DCDC1: variants seen among roughly 807,000 people sequenced by gnomAD.
The protein encoded by DCDC1 is doublecortin domain containing 1, also known as doublecortin domain-containing protein 1.
A neutral mutation model predicts 178.3 loss-of-function variants in DCDC1; 200 were observed. That is an observed-to-expected ratio of 1.12 (90% CI 1.00 to 1.26). The LOEUF is 1.26. DCDC1 is among the 50% of genes most tolerant of loss of function. The pLI is 0.00. For synonymous variants in DCDC1, 690 were observed against 604.8 expected, an observed-to-expected ratio of 1.14 and a Z score of -2.07; for missense variants, 1,983 against 1,749.2, an observed-to-expected ratio of 1.13 and a Z score of -2.38.
intron 19 of DCDC1, among the ~76,000 whole-genome samples, 169 bp from the exon 20 acceptor site, chr11:31,064,795 A>G (rs1956156452): frequency 6.6e-6 from 1 of 152,174 alleles, no homozygotes; most frequent in African/African-American, 2.4e-5. Context: ...CCTAAGAAAA[A>G]AAGGGTATCA....
Position 30,878,716 on chromosome 11 carries a change from T to G in DCDC1, c.5234-5A>C, listed in dbSNP as rs1942371759. On this transcript the variant is annotated splice_polypyrimidine_tract_variant and splice_region_variant and intron_variant, in intron 37 of 38. Coordinates refer to ENST00000684477, the MANE Select transcript of DCDC1 (RefSeq NM_001387274.1). The stretch of plus-strand genomic sequence containing the variant: ...TCTCCATCAGTTGTTTTAACTCTGT[T>G]AAAAAAAAAAAAAAAAGAAGTTGAG... 3.6e-6 allele frequency: 5 copies of G among 1,390,782 alleles called. No homozygotes were observed. In the African/African-American group the frequency reaches 7.9e-5, roughly 22 times the overall value. 86.2% of individuals were successfully genotyped at this position (1,390,782 alleles called of 1,614,324 possible). A position where few individuals can be genotyped will look rare whatever the true frequency, so the allele number is the denominator to read the frequency against.
intron 9 of DCDC1, among the ~76,000 whole-genome samples, chr11:31,226,572 G>A (rs1015338660): frequency 1.3e-5 from 2 of 151,598 alleles, no homozygotes; most frequent in Admixed American, 6.6e-5. Flanking sequence ...ACTAAGGTAA[G>A]AATACTATCC....
At chr11:31,272,117 G>A (rs575592305) in intron 7 of DCDC1, among the ~76,000 whole-genome samples, 13 of 150,712 alleles carry the variant, frequency 8.6e-5, no homozygotes, top group Non-Finnish European at 1.0e-4. Context: ...AGCCGAGATC[G>A]TGCCATTGCA....
chr11:31,307,650 C>T lies in DCDC1; in HGVS notation c.423G>A (p.Val141=). The part of the protein sequence containing the change: ...SKRNRPVSAP[V]GQLRVAEFSS... The stretch of plus-strand genomic sequence containing the variant: ...ACAGCTTTGATTACCTCAGTTGACC[C>T]ACTGGAGCACTGACAGGTCTGTTTC... The change falls in exon 4 of 39, where the codon GTG becomes GTA. Residue 141 remains valine (V), a synonymous_variant. Coordinates refer to ENST00000684477, the MANE Select transcript of DCDC1 (RefSeq NM_001387274.1). The T allele has an allele frequency of 1.2e-6, 2 of 1,613,936 alleles. No homozygotes were observed. The highest frequency in any genetic ancestry group is 1.7e-6 in the Non-Finnish European group (2 of 1,179,884).
chr11:31,075,125 C>T (rs1350374607), intron 18 of DCDC1, among the ~76,000 whole-genome samples: 2 of 152,158 alleles, frequency 1.3e-5, no homozygotes, highest in Non-Finnish European at 2.9e-5. Flanking sequence ...TTAGCTTCCA[C>T]CTATAAGTGA....
intron 9 of DCDC1, among the ~76,000 whole-genome samples, chr11:31,156,388 C>G (rs1965720810): frequency 6.6e-6 from 1 of 152,060 alleles, no homozygotes; most frequent in Non-Finnish European, 1.5e-5. Context: ...ATCTGGCCCC[C>G]AGGCTTAGCA....
At chr11:31,322,664 G>T (rs1591757441) in intron 3 of DCDC1, among the ~76,000 whole-genome samples, 1 of 152,200 alleles carries the variant, frequency 6.6e-6, no homozygotes, top group Admixed American at 6.5e-5. Flanking sequence ...CATCTTGCAA[G>T]CAGGAGGGGT....
At chr11:30,887,169 G>T (rs1309007369) in intron 36 of DCDC1, among the ~76,000 whole-genome samples, 1 of 152,158 alleles carries the variant, frequency 6.6e-6, no homozygotes, top group Non-Finnish European at 1.5e-5. Flanking sequence ...GACATATCAT[G>T]CATGGAAGAA....
intron 15 of DCDC1, among the ~76,000 whole-genome samples, chr11:31,100,485 A>C (rs1385673745): frequency 6.6e-6 from 1 of 152,220 alleles, no homozygotes; most frequent in Non-Finnish European, 1.5e-5. Flanking sequence ...GAGAATACAA[A>C]ATAAAGATTA....
intron 12 of DCDC1, among the ~76,000 whole-genome samples, chr11:31,109,845 T>G (rs1474034976): frequency 6.6e-6 from 1 of 152,146 alleles, no homozygotes; most frequent in Non-Finnish European, 1.5e-5. Context: ...TAAGCAAAAC[T>G]AGCTGAACTT....
chr11:31,239,212 T>G (rs1976815226), intron 9 of DCDC1, among the ~76,000 whole-genome samples: 1 of 152,044 alleles, frequency 6.6e-6, no homozygotes, highest in African/African-American at 2.4e-5. Context: ...TATCTAAAGA[T>G]TCTTTAAAAC....
At chr11:31,112,203 TTC>T (rs1959189061) in intron 11 of DCDC1, among the ~76,000 whole-genome samples, 1 of 152,214 alleles carries the variant, frequency 6.6e-6, no homozygotes, top group African/African-American at 2.4e-5. Flanking sequence ...TCTTAAGAGA[TTC>T]TGTTTTTCTT....
At chr11:30,910,786 T>C (rs1868406) in intron 28 of DCDC1, among the ~76,000 whole-genome samples, 7,216 of 151,874 alleles carry the variant, frequency 0.048, 544 homozygotes, top group African/African-American at 0.16. Flanking sequence ...TTCTCTGGAG[T>C]CTCCATAAAT....
At chr11:30,972,294 A>G (rs762912371) in intron 20 of DCDC1, among the ~76,000 whole-genome samples, 12 of 152,228 alleles carry the variant, frequency 7.9e-5, no homozygotes, top group Non-Finnish European at 1.5e-4. Context: ...CTTAGTAGAA[A>G]CATTATAGGA....
At chr11:31,263,251 G>A (rs3802915) in intron 8 of DCDC1, among the ~76,000 whole-genome samples, 44,960 of 152,010 alleles carry the variant, frequency 0.3, 8,104 homozygotes, top group East Asian at 0.63. Flanking sequence ...AGGGTATTAA[G>A]AAAATATGTT....
intron 38 of DCDC1, among the ~76,000 whole-genome samples, chr11:30,869,882 T>G (rs1941373171): frequency 1.3e-5 from 2 of 152,082 alleles, no homozygotes; most frequent in Non-Finnish European, 2.9e-5. Flanking sequence ...CTTAAGCTCT[T>G]TAAGTGAGGA....
chr11:30,871,772 G>A (rs1941589802), intron 38 of DCDC1, among the ~76,000 whole-genome samples: 1 of 151,828 alleles, frequency 6.6e-6, no homozygotes, highest in Admixed American at 6.6e-5. Flanking sequence ...ATCTCTGGGT[G>A]GTTAGTTCTG....
At chr11:31,199,698 T>C (rs1223320927) in intron 9 of DCDC1, among the ~76,000 whole-genome samples, 1 of 152,078 alleles carries the variant, frequency 6.6e-6, no homozygotes, top group African/African-American at 2.4e-5. Context: ...AGGATATCAT[T>C]TAAAAAATAG....
At chr11:31,165,915 C>T (rs1226870570) in intron 9 of DCDC1, among the ~76,000 whole-genome samples, 5 of 152,090 alleles carry the variant, frequency 3.3e-5, no homozygotes. Context: ...AGGGAATTTC[C>T]ACAGTTCATG....
Sources: allele counts gnomAD v4.1 joint callset (sites outside exome capture counted in the v4.1 genomes callset), GRCh38; gene constraint gnomAD v4.1.1; transcripts MANE v1.5; gene names NCBI Gene and HGNC (gene_info 2026-07-23, HGNC 2026-07-21).